Variants in DNAH7 observed in about 807,000 individuals in gnomAD.
The protein encoded by DNAH7 is dynein axonemal heavy chain 7.
A neutral mutation model predicts 444.6 loss-of-function variants in DNAH7; 397 were observed. That is an observed-to-expected ratio of 0.89 (90% CI 0.82 to 0.97). The LOEUF is 0.97. DNAH7 is among the 50% of genes least tolerant of loss of function. The pLI is 0.00. For synonymous variants in DNAH7, 1,636 were observed against 1,624.4 expected (o/e 1.01, Z -0.17); for missense variants, 4,902 against 4,800.8 (o/e 1.02, Z -0.62).
intron 55 of DNAH7, among the ~76,000 whole-genome samples, chr2:195,798,599 T>A (rs1014032396): frequency 9.6e-5 from 14 of 145,556 alleles, no homozygotes; most frequent in Admixed American, 8.5e-4. Flanking sequence ...GCTGGAGTGC[T>A]ATGGCGTGAT....
chr2:195,739,116 T>C (rs1198593797), intron 64 of DNAH7, among the ~76,000 whole-genome samples: 1 of 152,240 alleles, frequency 6.6e-6, no homozygotes, highest in African/African-American at 2.4e-5. Flanking sequence ...TCATTATCCA[T>C]TTATAAATTA....
intron 48 of DNAH7, among the ~76,000 whole-genome samples, chr2:195,831,417 G>T (rs1698064633): frequency 6.6e-6 from 1 of 152,236 alleles, no homozygotes; most frequent in Admixed American, 6.5e-5. Flanking sequence ...GCTCAACCCA[G>T]GCTGCCTGTG....
chr2:196,064,339 AT>A (rs1465513887), intron 1 of DNAH7, among the ~76,000 whole-genome samples: 5 of 108,942 alleles, frequency 4.6e-5, no homozygotes, highest in African/African-American at 1.7e-4. Flanking sequence ...AAATAAATAA[AT>A]AAATAAATAA....
intron 54 of DNAH7, among the ~76,000 whole-genome samples, chr2:195,801,597 A>G (rs1416725571): frequency 6.6e-6 from 1 of 152,206 alleles, no homozygotes; most frequent in East Asian, 1.9e-4. Flanking sequence ...CACTATGTAG[A>G]CAATTCCACC....
At chr2:195,957,627 TATA>T (rs894280901) in intron 18 of DNAH7, among the ~76,000 whole-genome samples, 180 bp from the exon 19 acceptor site, 13 of 146,856 alleles carry the variant, frequency 8.9e-5, no homozygotes, top group Non-Finnish European at 1.6e-4. Context: ...CAATCTTGTA[TATA>T]ATGTTATACA....
chr2:195,855,300 T>G (rs1699626314), intron 45 of DNAH7, among the ~76,000 whole-genome samples: 1 of 152,194 alleles, frequency 6.6e-6, no homozygotes. Flanking sequence ...CTAATTAAGT[T>G]AGAGTAGTAT....
intron 47 of DNAH7, 172 bp from the exon 48 acceptor site, chr2:195,834,532 C>T (rs1053614048): frequency 1.6e-5 from 9 of 564,678 alleles, no homozygotes; most frequent in Non-Finnish European, 2.4e-5. Context: ...ATTGAGTGGG[C>T]TACCTGAACG....
intron 49 of DNAH7, among the ~76,000 whole-genome samples, chr2:195,824,023 T>C (rs1697594811): frequency 6.6e-6 from 1 of 152,200 alleles, no homozygotes; most frequent in Admixed American, 6.5e-5. Context: ...ATATCAATTG[T>C]AGAAATTTGA....
chr2:196,059,490 T>C (rs888065041), intron 1 of DNAH7, among the ~76,000 whole-genome samples: 1 of 152,258 alleles, frequency 6.6e-6, no homozygotes, highest in East Asian at 1.9e-4. Context: ...ATTTCTCCTT[T>C]GACAACCAGC....
chr2:195,908,049 C>CTAATAAGCAAATTTAATACTATTAAGTT (rs1408756067), intron 25 of DNAH7, among the ~76,000 whole-genome samples: 128 of 152,056 alleles, frequency 8.4e-4, no homozygotes, highest in African/African-American at 3.0e-3. Flanking sequence ...TTTACAAATA[C>CTAATAAGCAAATTTAATACTATTAAGTT]TAATAAGCAA....
In DNAH7 at chr2:195,810,090, T is replaced by A. The variant is rs917738504; in HGVS notation, c.9762-219A>T. ...TACTGTGGACTGAGTTTTTTTTTTT[T>A]AAAACTTAATCTTCCTCTTGGAAAA... On this transcript the variant is annotated intron_variant, in intron 51 of 64. Coordinates refer to ENST00000312428, the MANE Select transcript of DNAH7 (RefSeq NM_018897.3). Among the ~76,000 whole-genome samples the A allele has an allele frequency of 3.3e-5, 5 of 152,028 alleles. No homozygotes were observed. In the South Asian group the frequency reaches 1.0e-3, roughly 32 times the overall value.
intron 3 of DNAH7, among the ~76,000 whole-genome samples, chr2:196,048,867 T>G (rs1021193968): frequency 6.6e-6 from 1 of 152,174 alleles, no homozygotes; most frequent in Admixed American, 6.5e-5. Flanking sequence ...TACACAATTT[T>G]GGCAGGTGTC....
At chr2:195,812,644 T>G (rs1157901378) in intron 51 of DNAH7, among the ~76,000 whole-genome samples, 1 of 152,170 alleles carries the variant, frequency 6.6e-6, no homozygotes, top group African/African-American at 2.4e-5. Flanking sequence ...TACCATATAA[T>G]AATCACTACC....
chr2:195,744,155 C>T (rs753435591), intron 63 of DNAH7, among the ~76,000 whole-genome samples: 3 of 152,238 alleles, frequency 2.0e-5, no homozygotes, highest in Non-Finnish European at 4.4e-5. Context: ...GGGTCACTCC[C>T]ACCCTAATAC....
At chr2:195,984,813 AACTAT>A (rs1692800321) in intron 14 of DNAH7, 103 bp from the exon 15 acceptor site, 1 of 1,089,328 alleles carries the variant, frequency 9.2e-7, no homozygotes, top group Non-Finnish European at 1.3e-6. Flanking sequence ...GAAAAATAAA[AACTAT>A]AACTTAGCTA....
At chr2:195,778,844 CTTTT>C (rs11286753) in intron 58 of DNAH7, among the ~76,000 whole-genome samples, 2 of 125,920 alleles carry the variant, frequency 1.6e-5, no homozygotes, top group African/African-American at 3.0e-5. Flanking sequence ...CAATTGTACA[CTTTT>C]TTTTTTTTTT....
At chr2:195,744,278 G>A (rs1409378491) in intron 63 of DNAH7, among the ~76,000 whole-genome samples, 5 of 152,224 alleles carry the variant, frequency 3.3e-5, no homozygotes, top group African/African-American at 1.2e-4. Flanking sequence ...AGCAGTCTGA[G>A]ATCAAACTGC....
intron 24 of DNAH7, among the ~76,000 whole-genome samples, chr2:195,919,401 G>A (rs1182777561): frequency 1.3e-5 from 2 of 152,102 alleles, no homozygotes; most frequent in Non-Finnish European, 2.9e-5. Flanking sequence ...CTGGAGTGCA[G>A]TGGCACAATC....
intron 56 of DNAH7, 105 bp downstream of exon 56, chr2:195,796,471 C>T (rs1696146023): frequency 7.5e-7 from 1 of 1,335,144 alleles, no homozygotes; most frequent in African/African-American, 1.5e-5. Flanking sequence ...AAGCACTAAC[C>T]TGCAACGCTC....
Sources: allele counts gnomAD v4.1 joint callset (sites outside exome capture counted in the v4.1 genomes callset), GRCh38; gene constraint gnomAD v4.1.1; transcripts MANE v1.5; gene names NCBI Gene and HGNC (gene_info 2026-07-23, HGNC 2026-07-21).